Variants in SLC4A10 observed in about 807,000 individuals in gnomAD.
SLC4A10 encodes solute carrier family 4 member 10, also known as sodium-driven chloride bicarbonate exchanger.
Under a neutral mutation model 137.7 loss-of-function variants are expected in SLC4A10, and 42 were observed. The observed-to-expected ratio is 0.30, with a 90% CI of 0.24 to 0.39. SLC4A10 has a LOEUF of 0.39. Among genes scored for constraint, SLC4A10 ranks in the 10% least tolerant of loss-of-function variants. The pLI is 1.00. For synonymous variants in SLC4A10, 474 were observed against 464.1 expected (o/e 1.02, Z -0.27); for missense variants, 925 against 1,355.0 (o/e 0.68, Z 4.98).
chr2:161,787,392 T>C (rs1301110856), intron 2 of SLC4A10, among the ~76,000 whole-genome samples: 1 of 152,206 alleles, frequency 6.6e-6, no homozygotes, highest in East Asian at 1.9e-4. Context: ...GATGACTATA[T>C]GCCTTGATGA....
At chr2:161,682,576 A>G (rs973990449) in intron 1 of SLC4A10, among the ~76,000 whole-genome samples, 22 of 152,274 alleles carry the variant, frequency 1.4e-4, no homozygotes, top group Admixed American at 1.4e-3. Flanking sequence ...ACACCACCCT[A>G]AAAGTAATGG....
intron 1 of SLC4A10, among the ~76,000 whole-genome samples, chr2:161,731,771 G>A (rs2125185437): frequency 6.6e-6 from 1 of 152,130 alleles, no homozygotes; most frequent in South Asian, 2.1e-4. Context: ...GATTATACAT[G>A]ACTTAAAATT....
intron 15 of SLC4A10, among the ~76,000 whole-genome samples, chr2:161,917,576 TAAA>T (rs774860851): frequency 3.9e-5 from 4 of 102,870 alleles, no homozygotes; most frequent in Non-Finnish European, 2.2e-5. Context: ...AGACCCTGTC[TAAA>T]AAAAAAAAAA....
rs574077296 is a variant in SLC4A10 at position 161,757,251 on chromosome 2, T to A, written c.49-13722T>A. Among the ~76,000 whole-genome samples the A allele has an allele frequency of 2.6e-5, 4 of 152,250 alleles. No homozygotes were observed. The East Asian group carries it at 7.7e-4, about 29-fold the overall frequency. On this transcript the variant is annotated intron_variant, in intron 1 of 26. Coordinates refer to ENST00000446997, the MANE Select transcript of SLC4A10 (RefSeq NM_001178015.2). ...CAAAACTGCCCATGTACCCTCTATA[T>A]CTAAAATAAAAGTTGACATTAAATA...
At chr2:161,656,722 A>G (rs2037584541) in intron 1 of SLC4A10, among the ~76,000 whole-genome samples, 1 of 152,182 alleles carries the variant, frequency 6.6e-6, no homozygotes, top group Non-Finnish European at 1.5e-5. Flanking sequence ...ATTGACTAGC[A>G]TTCAAGCCAA....
intron 26 of SLC4A10, among the ~76,000 whole-genome samples, chr2:161,979,448 G>T (rs1299315730): frequency 3.3e-5 from 5 of 152,160 alleles, no homozygotes; most frequent in African/African-American, 4.8e-5. Context: ...ACTGACGTGA[G>T]GTTCAGACTA....
At chr2:161,719,100 G>A (rs910423712) in intron 1 of SLC4A10, among the ~76,000 whole-genome samples, 1 of 150,858 alleles carries the variant, frequency 6.6e-6, no homozygotes, top group Non-Finnish European at 1.5e-5. Flanking sequence ...TCCCCTTCTT[G>A]TGTCCATGTG....
intron 1 of SLC4A10, among the ~76,000 whole-genome samples, chr2:161,643,194 T>A (rs1249352536): frequency 2.0e-5 from 3 of 152,064 alleles, no homozygotes; most frequent in Non-Finnish European, 4.4e-5. Context: ...TGATAGAAGC[T>A]TACATTTCCA....
At chr2:161,702,067 A>G (rs930610403) in intron 1 of SLC4A10, among the ~76,000 whole-genome samples, 4 of 151,942 alleles carry the variant, frequency 2.6e-5, no homozygotes, top group Non-Finnish European at 5.9e-5. Flanking sequence ...ACCCAAAAGA[A>G]AGGAAATCAG....
intron 2 of SLC4A10, among the ~76,000 whole-genome samples, chr2:161,782,884 A>G (rs1645102602): frequency 1.3e-5 from 2 of 151,312 alleles, no homozygotes; most frequent in Admixed American, 6.6e-5. Flanking sequence ...TATATGCATT[A>G]TGAGAATTCC....
In SLC4A10 at chr2:161,719,854, C is replaced by A. The variant is rs907871256; in HGVS notation, c.49-51119C>A. On this transcript the variant is annotated intron_variant, in intron 1 of 26. Coordinates refer to ENST00000446997, the MANE Select transcript of SLC4A10 (RefSeq NM_001178015.2). ...TCCCATTTTGTAGGTTGCCTGTTCA[C>A]TCTGATGGTAGTTTCTTTTGCTGTG... Among the ~76,000 whole-genome samples the A allele has an allele frequency of 6.8e-4, 103 of 151,920 alleles. 1 individual carries two copies. The highest frequency in any genetic ancestry group is 6.8e-3 in the Middle Eastern group (2 of 292).
intron 2 of SLC4A10, among the ~76,000 whole-genome samples, chr2:161,779,912 A>C (rs1346639602): frequency 1.3e-5 from 2 of 152,062 alleles, no homozygotes; most frequent in Non-Finnish European, 2.9e-5. Flanking sequence ...CATGTTCATT[A>C]ATTACATTTT....
chr2:161,847,750 T>C (rs2059591732), intron 4 of SLC4A10, among the ~76,000 whole-genome samples: 3 of 152,176 alleles, frequency 2.0e-5, no homozygotes, highest in South Asian at 4.1e-4. Context: ...GTATATGTAC[T>C]ACATTTTCTT....
At chr2:161,762,421 T>C (rs1416544964) in intron 1 of SLC4A10, among the ~76,000 whole-genome samples, 1 of 152,146 alleles carries the variant, frequency 6.6e-6, no homozygotes, top group African/African-American at 2.4e-5. Flanking sequence ...GATACTCGTT[T>C]ATATATTGCC....
intron 1 of SLC4A10, among the ~76,000 whole-genome samples, chr2:161,712,086 AAT>A (rs1184118138): frequency 1.3e-5 from 2 of 151,864 alleles, no homozygotes; most frequent in East Asian, 3.9e-4. Flanking sequence ...TTCAGCCAAA[AAT>A]ATATGCTACA....
At chr2:161,671,273 G>T (rs1299446911) in intron 1 of SLC4A10, among the ~76,000 whole-genome samples, 2 of 152,052 alleles carry the variant, frequency 1.3e-5, no homozygotes. Context: ...AAGCAACAAG[G>T]AGCCATATTG....
intron 15 of SLC4A10, among the ~76,000 whole-genome samples, chr2:161,939,864 TGTAA>T (rs1455575896): frequency 5.9e-5 from 9 of 152,274 alleles, no homozygotes; most frequent in African/African-American, 2.2e-4. Context: ...ATTATAACTG[TGTAA>T]GTATTATTTA....
At chr2:161,740,371 C>T (rs2047759199) in intron 1 of SLC4A10, among the ~76,000 whole-genome samples, 1 of 152,120 alleles carries the variant, frequency 6.6e-6, no homozygotes, top group Non-Finnish European at 1.5e-5. Context: ...GTAGCATGAA[C>T]CTATATAGAC....
At chr2:161,947,511 AG>A in intron 16 of SLC4A10, 54 bp from the exon 17 acceptor site, 2 of 1,565,468 alleles carry the variant, frequency 1.3e-6, no homozygotes, top group Non-Finnish European at 1.7e-6. Context: ...GTTTTCTGCA[AG>A]AAATGTGTCC....
Sources: allele counts gnomAD v4.1 joint callset (sites outside exome capture counted in the v4.1 genomes callset), GRCh38; gene constraint gnomAD v4.1.1; transcripts MANE v1.5; gene names NCBI Gene and HGNC (gene_info 2026-07-23, HGNC 2026-07-21).